Variants in COL4A1 observed in about 807,000 individuals in gnomAD.
COL4A1 encodes the protein collagen type IV alpha 1 chain.
A neutral mutation model predicts 216.6 loss-of-function variants in COL4A1; 40 were observed. The ratio of observed to expected loss-of-function variants is 0.18; its 90% CI spans 0.14 to 0.24. The LOEUF (loss-of-function observed/expected upper bound fraction) is 0.24, where lower values mean the gene tolerates loss of function less well. Ranked by LOEUF, COL4A1 falls within the 10% of genes least tolerant of loss-of-function variation. COL4A1 has a pLI of 1.00. For synonymous variants in COL4A1, 839 were observed against 810.7 expected (o/e 1.03, Z -0.59); for missense variants, 1,628 against 2,196.8 (o/e 0.74, Z 5.18).
rs547773624 is a variant in COL4A1 at position 110,158,924 on chromosome 13, G to A, written c.4640+2268C>T. Among the ~76,000 whole-genome samples the A allele has an allele frequency of 2.0e-5, 3 of 152,118 alleles. No homozygotes were observed. The South Asian group carries it at 6.2e-4, about 32-fold the overall frequency. On this transcript the variant is annotated intron_variant, in intron 49 of 51. Transcript: ENST00000375820. ...CACCCAGCTAATTTTTGTATTTTTA[G>A]TAGAGATGGGATTTCGCCATGCTGG...
intron 2 of COL4A1, among the ~76,000 whole-genome samples, chr13:110,237,681 C>T (rs185833182): frequency 6.6e-6 from 1 of 152,240 alleles, no homozygotes; most frequent in Admixed American, 6.5e-5. Context: ...CTCTTTCTTG[C>T]TCTGACACTC....
At chr13:110,226,191 T>C (rs1880729537) in intron 2 of COL4A1, among the ~76,000 whole-genome samples, 1 of 152,142 alleles carries the variant, frequency 6.6e-6, no homozygotes, top group Non-Finnish European at 1.5e-5. Context: ...CATAAGAAAA[T>C]TGGAATTTCT....
At chr13:110,277,169 T>C (rs925225784) in intron 1 of COL4A1, among the ~76,000 whole-genome samples, 18 of 152,212 alleles carry the variant, frequency 1.2e-4, no homozygotes, top group African/African-American at 4.3e-4. Flanking sequence ...ATCAATACGG[T>C]CCTCTGTAGT....
intron 2 of COL4A1, among the ~76,000 whole-genome samples, chr13:110,217,636 T>G (rs1439468132): frequency 6.6e-6 from 1 of 152,214 alleles, no homozygotes; most frequent in African/African-American, 2.4e-5. Flanking sequence ...CTGAACCTTG[T>G]GCTCTCATTC....
At chr13:110,187,923 C>A (rs1403180788) in intron 24 of COL4A1, among the ~76,000 whole-genome samples, 2 of 152,180 alleles carry the variant, frequency 1.3e-5, no homozygotes, top group Non-Finnish European at 2.9e-5. Context: ...GAGATAAGGA[C>A]TTCCAGGGCA....
intron 1 of COL4A1, among the ~76,000 whole-genome samples, chr13:110,299,221 C>T (rs1884398880): frequency 6.6e-6 from 1 of 152,236 alleles, no homozygotes; most frequent in Non-Finnish European, 1.5e-5. Context: ...AAGCGGCGGC[C>T]TCAGTGAAAG....
chr13:110,208,432 G>A (rs560083608), intron 12 of COL4A1, among the ~76,000 whole-genome samples: 1 of 152,160 alleles, frequency 6.6e-6, no homozygotes, highest in Non-Finnish European at 1.5e-5. Context: ...GGCCGGTGGT[G>A]AGGGGCCGCT....
At position 110,192,822 on chromosome 13, in the gene COL4A1, G is replaced by T; in HGVS notation, c.1465+8C>A. On this transcript the variant is annotated splice_region_variant and intron_variant, in intron 23 of 51. Transcript: ENST00000375820. ...TCTGACCTGGTCCTTTTCACATGTG[G>T]GTCTTACCTATTTCTCCCGGGGGTC... 6.2e-7 allele frequency: 1 copy of T among 1,612,614 alleles called. No homozygotes were observed. The highest frequency in any genetic ancestry group is 8.5e-7 in the Non-Finnish European group (1 of 1,178,728).
At chr13:110,218,327 G>T (rs1027538629) in intron 2 of COL4A1, among the ~76,000 whole-genome samples, 3 of 152,136 alleles carry the variant, frequency 2.0e-5, no homozygotes. Flanking sequence ...AGCACACACA[G>T]AGATGCTGCC....
chr13:110,200,888 A>C lies in COL4A1; in HGVS notation c.1086T>G (p.Gly362=). ...PGPRGEPGPK[G]FPGLPGQPGP... Reference sequence around the variant, plus strand: ...CGGGTTGGCCTGGTAGTCCTGGGAAACCTGAAAAGAGAAAGAGAGTGTTGG... The same window carrying C: ...CGGGTTGGCCTGGTAGTCCTGGGAACCCTGAAAAGAGAAAGAGAGTGTTGG... The change falls in exon 20 of 52, where the codon GGT becomes GGG. Residue 362 remains glycine (G), a splice_region_variant and synonymous_variant. Coordinates refer to ENST00000375820, the MANE Select transcript of COL4A1 (RefSeq NM_001845.6). 6.2e-7 allele frequency: 1 copy of C among 1,614,108 alleles called. No individual in the cohort carries two copies. The highest frequency in any genetic ancestry group is 8.5e-7 in the Non-Finnish European group (1 of 1,179,988).
chr13:110,161,222 G>A lies in COL4A1; in HGVS notation c.4610C>T (p.Thr1537Met), dbSNP rs763554089. Residue 1537 changes from threonine (T) to methionine (M), a missense_variant, in exon 49 of 52, where the codon ACG becomes ATG. Physicochemically the swap from Thr to Met is moderately conservative, Grantham distance 81 (BLOSUM62 -1). Transcript: ENST00000375820. ...EPMPMSMAPI[T>M]GENIRPFISR... ...AATAAATGGTCTTATGTTTTCCCCC[G>A]TGATGGGTGCCATTGACATGGGCAT... 9.9e-6 allele frequency: 16 copies of A among 1,614,062 alleles called. No homozygotes were observed. The highest frequency in any genetic ancestry group is 4.4e-5 in the South Asian group (4 of 91,088).
rs756019755 is a variant in COL4A1 at position 110,179,055 on chromosome 13, G to T, written c.2345-19C>A. 2 of 1,601,670 alleles carry T rather than the reference G, an allele frequency of 1.2e-6. No homozygotes were observed. The highest frequency in any genetic ancestry group is 8.5e-7 in the Non-Finnish European group (1 of 1,173,140). On this transcript the variant is annotated intron_variant, in intron 30 of 51. Transcript: ENST00000375820. ...GGTTCACCTGGAGAAGAAAAATTGA[G>T]AGTAAGCTGTACAGGAGCAGTGGCA...
chr13:110,298,290 C>G (rs1884355712), intron 1 of COL4A1, among the ~76,000 whole-genome samples: 1 of 152,202 alleles, frequency 6.6e-6, no homozygotes, highest in Admixed American at 6.5e-5. Flanking sequence ...TAAAAAGCAT[C>G]TGGCGCTAGC....
chr13:110,199,260 G>A lies in COL4A1; in HGVS notation c.1121-629C>T, dbSNP rs1879051609. On this transcript the variant is annotated intron_variant, in intron 20 of 51. Transcript: ENST00000375820. ...AAGCTCTGCTGCTTCTGTGAGGGAC[G>A]CACCAGCTTCTGCTCCCAGCATCAG... Among the ~76,000 whole-genome samples, 3 of 152,192 alleles carry A rather than the reference G, an allele frequency of 2.0e-5. No individual in the cohort carries two copies. The South Asian group carries it at 6.2e-4, about 31-fold the overall frequency.
chr13:110,248,355 G>T (rs1350853886), intron 1 of COL4A1, among the ~76,000 whole-genome samples: 3 of 107,266 alleles, frequency 2.8e-5, no homozygotes, highest in Admixed American at 1.1e-4. Context: ...GCGCTCAGCC[G>T]CCTCCGCTGT....
intron 1 of COL4A1, among the ~76,000 whole-genome samples, chr13:110,255,010 T>G (rs745481771): frequency 6.6e-6 from 1 of 152,184 alleles, no homozygotes; most frequent in Admixed American, 6.5e-5. Context: ...GGAGAGAAGC[T>G]GTGGCCCCTA....
At chr13:110,258,308 C>T (rs1410854378) in intron 1 of COL4A1, among the ~76,000 whole-genome samples, 1 of 152,172 alleles carries the variant, frequency 6.6e-6, no homozygotes, top group Non-Finnish European at 1.5e-5. Context: ...GAGGCCAAGG[C>T]GGGCAGATCG....
chr13:110,178,176 C>T lies in COL4A1; in HGVS notation c.2514G>A (p.Met838Ile), dbSNP rs550808618. 3 of 1,614,204 alleles carry T rather than the reference C, an allele frequency of 1.9e-6. No homozygotes were observed. Among genetic ancestry groups the T allele is most frequent in the Admixed American group, 3.3e-5 (2 of 60,024 alleles). ...CCCCTTTATCTCCTTTAGGGCCCGG[C>T]ATGTCCAGTCCAGGGAATCCGGGGA... The part of the protein sequence containing the change: ...KGFPGFPGLD[M>I]PGPKGDKGAQ... The change falls in exon 32 of 52, where the codon ATG becomes ATA. Residue 838 changes from methionine (M) to isoleucine (I), a missense_variant. Physicochemically the swap from Met to Ile is conservative, Grantham distance 10. Around this residue, in one of 8 missense-constraint regions of COL4A1, gnomAD observed 701 missense variants for 892.5 expected, o/e 0.79. Transcript: ENST00000375820.
Position 110,159,493 on chromosome 13 carries a change from C to T in COL4A1, c.4640+1699G>A, listed in dbSNP as rs939381427. 1.1e-4 allele frequency among the ~76,000 whole-genome samples: 16 copies of T among 152,138 alleles called. 1 individual carries two copies. The highest frequency in any genetic ancestry group is 1.9e-4 in the East Asian group (1 of 5,198). On this transcript the variant is annotated intron_variant, in intron 49 of 51. Transcript: ENST00000375820. ...GACGTGGAGCAACTGGGACCCTGTGCGCTGTGGCAGGAATGTAAAGGGTGT... is the reference window on the plus strand; with the variant it reads ...GACGTGGAGCAACTGGGACCCTGTGTGCTGTGGCAGGAATGTAAAGGGTGT...
Sources: gnomAD v4.1 joint callset for allele counts (sites outside exome capture counted in the v4.1 genomes callset) on GRCh38, gnomAD v4.1.1 for gene constraint, gnomAD v4.1.1 regional missense constraint, MANE v1.5 for transcripts, NCBI Gene and HGNC (gene_info 2026-07-23, HGNC 2026-07-21) for gene names.